MGST1: variants seen among roughly 807,000 people sequenced by gnomAD.
The protein encoded by MGST1 is microsomal glutathione S-transferase 1.
In MGST1, 5 loss-of-function variants were observed where a neutral mutation model predicts 8.9. That is an observed-to-expected ratio of 0.56 (90% confidence interval 0.29 to 1.19). MGST1 has a LOEUF of 1.19. Ranked by LOEUF, MGST1 falls within the 50% of genes most tolerant of loss-of-function variation. MGST1 has a pLI of 0.08. For missense variants in MGST1, 182 were observed against 187.4 expected, an observed-to-expected ratio of 0.97 and a Z score of 0.17; for synonymous variants, 54 against 67.8, an observed-to-expected ratio of 0.80 and a Z score of 1.00.
intron 4 of MGST1, among the ~76,000 whole-genome samples, chr12:16,504,139 C>T (rs1941522262): frequency 6.6e-6 from 1 of 150,758 alleles, no homozygotes. Flanking sequence ...GAGGTTCTGG[C>T]ATTGCTCTGA....
chr12:16,363,412 T>C lies in MGST1; in HGVS notation c.222-383T>C, dbSNP rs528810355. On this transcript the variant is annotated intron_variant, in intron 3 of 3. Transcript: ENST00000396210. The surrounding 1 kb of genome is among the most constrained non-coding windows in gnomAD (Gnocchi z 4.6). ...AGAAAAATCAACACCAAAAGGGTTT[T>C]CTTCCTTCGGGAGAAAGAATTTTTA... is the stretch of plus-strand genomic sequence containing the variant. 1.3e-5 allele frequency: 2 copies of C among 152,768 alleles called. No individual in the cohort carries two copies. The highest frequency in any genetic ancestry group is 3.8e-4 in the East Asian group (2 of 5,198). 9.5% of individuals were successfully genotyped at this position (152,768 alleles called of 1,614,324 possible). A position where few individuals can be genotyped will look rare whatever the true frequency, so the allele number is the denominator to read the frequency against.
At chr12:16,487,760 A>G (rs1941409337) in intron 4 of MGST1, among the ~76,000 whole-genome samples, 2 of 152,066 alleles carry the variant, frequency 1.3e-5, no homozygotes, top group African/African-American at 4.8e-5. Context: ...AGATCCTCCC[A>G]CCTCAGCCTC....
intron 4 of MGST1, among the ~76,000 whole-genome samples, chr12:16,473,312 C>T (rs969526264): frequency 2.6e-5 from 4 of 152,152 alleles, no homozygotes; most frequent in Non-Finnish European, 5.9e-5. Flanking sequence ...CTACAACGCA[C>T]AGGACCAATG....
rs938609220 is a variant in MGST1 at position 16,401,731 on chromosome 12, G to C, written n.778+18127G>C. On this transcript the variant is annotated intron_variant and non_coding_transcript_variant, in intron 1 of 1. Coordinates refer to the MGST1 transcript ENST00000359720. The surrounding 1 kb of genome is among the most constrained non-coding windows in gnomAD (Gnocchi z 4.3). ...ACAGTAGAAGGGTCTGCCCCAGCAAGGTATTTTTTCTCTTCAACGGCCTTT... is the reference window on the plus strand; with the variant it reads ...ACAGTAGAAGGGTCTGCCCCAGCAACGTATTTTTTCTCTTCAACGGCCTTT... 1 of 1,601,040 alleles carries C rather than the reference G, an allele frequency of 6.2e-7. No individual in the cohort carries two copies. The highest frequency in any genetic ancestry group is 8.6e-7 in the Non-Finnish European group (1 of 1,168,114).
At chr12:16,508,922 G>C (rs888717941) in intron 4 of MGST1, among the ~76,000 whole-genome samples, 16 of 152,228 alleles carry the variant, frequency 1.1e-4, no homozygotes, top group African/African-American at 3.9e-4. Flanking sequence ...AATAGTAGGT[G>C]GTTAGGGGGT....
chr12:16,352,342 A>G (rs1014339763), intron 1 of MGST1, among the ~76,000 whole-genome samples: 1 of 152,202 alleles, frequency 6.6e-6, no homozygotes, highest in East Asian at 1.9e-4. Flanking sequence ...TAAGATGGAT[A>G]GAAAGATTGC....
rs1474253787 is a variant in MGST1 at position 16,544,660 on chromosome 12, CT to C, written n.483-44866del. ...AAATTTGACTACATAGGTTCAAGTC[CT>C]TATTTCTGAGGGGACAAAAATATCA... On this transcript the variant is annotated intron_variant and non_coding_transcript_variant, in intron 4 of 4. Coordinates refer to the MGST1 transcript ENST00000538857. This position sits in a 1 kb window ranked among gnomAD's most constrained non-coding sequence, Gnocchi z 4.8. Among the ~76,000 whole-genome samples the C allele has an allele frequency of 6.6e-6, 1 of 152,022 alleles. No homozygotes were observed. Among genetic ancestry groups the C allele is most frequent in the Non-Finnish European group, 1.5e-5 (1 of 67,944 alleles).
rs2137186266 is a variant in MGST1 at position 16,517,668 on chromosome 12, G to T, written n.483-71860G>T. ...CATGGAACAATGGCCATGACAGAGT[G>T]TTGCAAGCCAACTTGGCTTGTGCTC... On this transcript the variant is annotated intron_variant and non_coding_transcript_variant, in intron 4 of 4. Coordinates refer to the MGST1 transcript ENST00000538857. The surrounding 1 kb of genome is among the most constrained non-coding windows in gnomAD (Gnocchi z 4.2). 6.6e-6 allele frequency among the ~76,000 whole-genome samples: 1 copy of T among 152,302 alleles called. No homozygotes were observed. Among genetic ancestry groups the T allele is most frequent in the South Asian group, 2.1e-4 (1 of 4,828 alleles).
At chr12:16,470,269 A>T (rs991666642) in intron 4 of MGST1, among the ~76,000 whole-genome samples, 4 of 152,228 alleles carry the variant, frequency 2.6e-5, no homozygotes, top group African/African-American at 9.6e-5. Flanking sequence ...TCTGCTGAAT[A>T]CTTTATCCTG....
chr12:16,386,968 C>T (rs768004888), intron 1 of MGST1, among the ~76,000 whole-genome samples: 2 of 152,126 alleles, frequency 1.3e-5, no homozygotes, highest in Admixed American at 6.5e-5. Context: ...AGTGGCATTG[C>T]AGTGTTTGTG....
At chr12:16,415,031 T>A (rs542864232) in intron 1 of MGST1, among the ~76,000 whole-genome samples, 35 of 151,788 alleles carry the variant, frequency 2.3e-4, no homozygotes, top group East Asian at 1.4e-3. Flanking sequence ...CCTCAAAAAA[T>A]TTTTTTTTCT....
intron 1 of MGST1, among the ~76,000 whole-genome samples, chr12:16,419,951 C>A (rs1591722552): frequency 6.6e-6 from 1 of 152,018 alleles, no homozygotes; most frequent in Non-Finnish European, 1.5e-5. Context: ...ATATTGGCAG[C>A]CGATGAAGGC....
chr12:16,558,496 G>A (rs926660791), intron 4 of MGST1, among the ~76,000 whole-genome samples: 2 of 151,968 alleles, frequency 1.3e-5, no homozygotes, highest in African/African-American at 4.8e-5. Context: ...ATATATACAT[G>A]CACATAAAGG....
In MGST1 at chr12:16,532,657, C is replaced by T. The variant is rs549167987; in HGVS notation, n.483-56871C>T. On this transcript the variant is annotated intron_variant and non_coding_transcript_variant, in intron 4 of 4. Coordinates refer to the MGST1 transcript ENST00000538857. ...AGTGTTCAGGGGTACACAAAGCGTTCGTCTCTATCCCAGGTTTTTATTGCA... is the reference window on the plus strand; with the variant it reads ...AGTGTTCAGGGGTACACAAAGCGTTTGTCTCTATCCCAGGTTTTTATTGCA... 3.3e-5 allele frequency among the ~76,000 whole-genome samples: 5 copies of T among 152,208 alleles called. No homozygotes were observed. The South Asian group carries it at 6.2e-4, about 19-fold the overall frequency.
At chr12:16,539,803 A>G (rs1364631645) in intron 4 of MGST1, among the ~76,000 whole-genome samples, 1 of 152,228 alleles carries the variant, frequency 6.6e-6, no homozygotes, top group Non-Finnish European at 1.5e-5. Flanking sequence ...ATGACAACAT[A>G]CCAACTGAAT....
downstream of MGST1, among the ~76,000 whole-genome samples, chr12:16,366,855 A>T (rs1174161006): frequency 2.6e-5 from 4 of 152,108 alleles, no homozygotes; most frequent in African/African-American, 9.7e-5. This position sits in a 1 kb window ranked among gnomAD's most constrained non-coding sequence, Gnocchi z 4.0. Flanking sequence ...ATCTGTATCT[A>T]TTATAGAGTC....
intron 1 of MGST1, among the ~76,000 whole-genome samples, chr12:16,437,020 C>T (rs1017472694): frequency 4.6e-5 from 7 of 151,938 alleles, no homozygotes; most frequent in South Asian, 4.2e-4. Context: ...AAACTGTTGC[C>T]GCTAACCTTG....
chr12:16,574,541 C>A (rs1018674536), intron 4 of MGST1, among the ~76,000 whole-genome samples: 2 of 152,082 alleles, frequency 1.3e-5, no homozygotes, highest in South Asian at 4.1e-4. Context: ...AGCACTTAAC[C>A]AATGATGTGT....
chr12:16,434,081 C>A (rs1368339318), intron 1 of MGST1, among the ~76,000 whole-genome samples: 1 of 152,064 alleles, frequency 6.6e-6, no homozygotes, highest in Non-Finnish European at 1.5e-5. Context: ...TAATTAAGGA[C>A]CTGCACTTCA....
Sources: gnomAD v4.1 joint callset for allele counts (sites outside exome capture counted in the v4.1 genomes callset) on GRCh38, gnomAD v4.1.1 for gene constraint, Gnocchi (gnomAD v3.1) non-coding constraint, MANE v1.5 for transcripts, NCBI Gene and HGNC (gene_info 2026-07-23, HGNC 2026-07-21) for gene names.